Variants in ATP10A observed in about 807,000 individuals in gnomAD.
ATP10A encodes the protein phospholipid-transporting ATPase VA.
Under a neutral mutation model 147.8 loss-of-function variants are expected in ATP10A, and 111 were observed. The observed-to-expected ratio is 0.75, with a 90% CI of 0.64 to 0.88. The LOEUF is 0.88. Ranked by LOEUF, ATP10A falls within the 40% of genes least tolerant of loss-of-function variation. ATP10A has a pLI of 0.00. For synonymous variants in ATP10A, 875 were observed against 841.6 expected (o/e 1.04, Z -0.69); for missense variants, 1,927 against 1,959.0 (o/e 0.98, Z 0.31).
intron 1 of ATP10A, among the ~76,000 whole-genome samples, chr15:25,837,438 C>T (rs1892642412): frequency 6.6e-6 from 1 of 152,184 alleles, no homozygotes; most frequent in African/African-American, 2.4e-5. Context: ...TGATCTCACG[C>T]TAACAAACAA....
chr15:25,826,162 A>T lies in ATP10A; in HGVS notation c.449+36486T>A, dbSNP rs182398561. On this transcript the variant is annotated intron_variant, in intron 1 of 20. Transcript: ENST00000555815. ...ACAGAAAAAAAATGAAGAAATAGCA[A>T]CAGTCTCAGAGTCCCGTAGGACATC... Among the ~76,000 whole-genome samples the T allele has an allele frequency of 1.9e-3, 284 of 152,334 alleles. 1 individual carries two copies. The highest frequency in any genetic ancestry group is 6.5e-3 in the African/African-American group (269 of 41,564).
chr15:25,771,694 C>G (rs371718622), intron 2 of ATP10A, among the ~76,000 whole-genome samples: 91 of 152,220 alleles, frequency 6.0e-4, no homozygotes, highest in African/African-American at 2.0e-3. Context: ...TGCCCCTCTT[C>G]CTGTGTGCCT....
intron 2 of ATP10A, among the ~76,000 whole-genome samples, chr15:25,756,658 A>G (rs1004723920): frequency 6.6e-6 from 1 of 152,138 alleles, no homozygotes; most frequent in Non-Finnish European, 1.5e-5. Flanking sequence ...AAAAAAAAGA[A>G]AGAAAGAAAG....
At chr15:25,697,635 A>C (rs1900413447) in intron 13 of ATP10A, among the ~76,000 whole-genome samples, 1 of 152,266 alleles carries the variant, frequency 6.6e-6, no homozygotes, top group Admixed American at 6.5e-5. Flanking sequence ...TGTGACAGAA[A>C]TACATTAACT....
chr15:25,742,495 C>T (rs1471126190), intron 2 of ATP10A, among the ~76,000 whole-genome samples: 1 of 152,240 alleles, frequency 6.6e-6, no homozygotes, highest in Non-Finnish European at 1.5e-5. Context: ...TGCCTTTCAT[C>T]TTTTGTCCCC....
intron 1 of ATP10A, among the ~76,000 whole-genome samples, chr15:25,811,487 C>G (rs912909754): frequency 6.6e-6 from 1 of 152,144 alleles, no homozygotes; most frequent in Non-Finnish European, 1.5e-5. Context: ...AATGACTTCC[C>G]CATGTGGAAA....
At position 25,684,730 on chromosome 15, in the gene ATP10A, C is replaced by T. The variant is rs116177630; in HGVS notation, c.3292-1244G>A. On this transcript the variant is annotated intron_variant, in intron 16 of 20. Coordinates refer to ENST00000555815, the MANE Select transcript of ATP10A (RefSeq NM_024490.4). Reference sequence around the variant, plus strand: ...TAGACAGACATTTTCTGCTGGGCACCGCAAGGCCTGGGCTTGGTTCTGGAG... The same window carrying T: ...TAGACAGACATTTTCTGCTGGGCACTGCAAGGCCTGGGCTTGGTTCTGGAG... Among the ~76,000 whole-genome samples, 205 of 152,278 alleles carry T rather than the reference C, an allele frequency of 1.3e-3. 1 individual carries two copies. Among genetic ancestry groups the T allele is most frequent in the African/African-American group, 4.7e-3 (196 of 41,550 alleles).
chr15:25,781,039 C>A lies in ATP10A; in HGVS notation c.634G>T (p.Val212Phe). ...CTTACAAGCTCCGAGAAGCCGCGGA[C>A]CACCTGCCGCCGCTTCAGGTTGGTC... ...GETNLKRRQV[V>F]RGFSELVSEF... Residue 212 changes from valine to phenylalanine, a missense_variant, in exon 2 of 21, where the codon GTC (valine) becomes TTC (phenylalanine). Coordinates refer to ENST00000555815, the MANE Select transcript of ATP10A (RefSeq NM_024490.4). 1.2e-6 allele frequency: 2 copies of A among 1,614,042 alleles called. No homozygotes were observed. Among genetic ancestry groups the A allele is most frequent in the Non-Finnish European group, 1.7e-6 (2 of 1,180,006 alleles).
intron 2 of ATP10A, among the ~76,000 whole-genome samples, chr15:25,739,487 C>T (rs1265361780): frequency 1.3e-5 from 2 of 152,142 alleles, no homozygotes; most frequent in Non-Finnish European, 2.9e-5. Flanking sequence ...CATTTGGACT[C>T]GGATCTCCGG....
intron 1 of ATP10A, among the ~76,000 whole-genome samples, chr15:25,812,014 C>G (rs927810003): frequency 6.6e-6 from 1 of 152,206 alleles, no homozygotes; most frequent in African/African-American, 2.4e-5. Context: ...TGGCTCTCAC[C>G]CAGCGCACGC....
chr15:25,793,736 T>C (rs1259962420), intron 1 of ATP10A, among the ~76,000 whole-genome samples: 1 of 152,228 alleles, frequency 6.6e-6, no homozygotes, highest in Admixed American at 6.5e-5. Flanking sequence ...TGTGGGCACA[T>C]AACTTCCCCC....
Position 25,707,450 on chromosome 15 carries a change from T to C in ATP10A, c.2575+526A>G, listed in dbSNP as rs563432122. Among the ~76,000 whole-genome samples the C allele has an allele frequency of 2.0e-5, 3 of 152,312 alleles. No homozygotes were observed. In the South Asian group the frequency reaches 6.2e-4, roughly 32 times the overall value. ...AATAGGAAAATAAATATTTTAAGTA[T>C]TAAAGTAAGCATTAACATAATAAAT... is the stretch of plus-strand genomic sequence containing the variant. On this transcript the variant is annotated intron_variant, in intron 12 of 20. Transcript: ENST00000555815.
At chr15:25,675,490 G>C (rs1274505481), downstream of ATP10A, among the ~76,000 whole-genome samples, 1 of 152,192 alleles carries the variant, frequency 6.6e-6, no homozygotes. Context: ...AGATCCTCTG[G>C]GTGGGGATCT....
chr15:25,675,727 C>T (rs1899123020), downstream of ATP10A, among the ~76,000 whole-genome samples: 1 of 152,212 alleles, frequency 6.6e-6, no homozygotes, highest in Non-Finnish European at 1.5e-5. Context: ...AGGCAGATTG[C>T]TTGAGCCTCG....
intron 1 of ATP10A, among the ~76,000 whole-genome samples, chr15:25,785,939 G>A (rs550027461): frequency 6.7e-4 from 102 of 152,364 alleles, no homozygotes; most frequent in Non-Finnish European, 5.9e-4. Flanking sequence ...GTGGGGCTGT[G>A]CGGGGTCCGG....
chr15:25,791,720 T>C (rs1890437404), intron 1 of ATP10A, among the ~76,000 whole-genome samples: 1 of 152,204 alleles, frequency 6.6e-6, no homozygotes, highest in South Asian at 2.1e-4. Context: ...CTTTCCTCTC[T>C]TCTTGACCAC....
intron 1 of ATP10A, among the ~76,000 whole-genome samples, chr15:25,838,369 T>C (rs1439996835): frequency 2.0e-5 from 3 of 152,144 alleles, no homozygotes; most frequent in Admixed American, 6.5e-5. Flanking sequence ...TTTAGGGAGA[T>C]AGGAGTGAAA....
intron 2 of ATP10A, among the ~76,000 whole-genome samples, chr15:25,761,906 T>C (rs1356788003): frequency 1.3e-5 from 2 of 152,190 alleles, no homozygotes; most frequent in South Asian, 2.1e-4. Context: ...TGGAAAGGCA[T>C]GGCTGTGTTT....
chr15:25,705,930 A>G (rs750263917), intron 12 of ATP10A, among the ~76,000 whole-genome samples: 4 of 152,200 alleles, frequency 2.6e-5, no homozygotes, highest in Non-Finnish European at 5.9e-5. Flanking sequence ...TCGCTGACAC[A>G]TCTCAGAGCC....
Sources: allele counts gnomAD v4.1 joint callset (sites outside exome capture counted in the v4.1 genomes callset), GRCh38; gene constraint gnomAD v4.1.1; transcripts MANE v1.5; gene names NCBI Gene and HGNC (gene_info 2026-07-23, HGNC 2026-07-21).